KIF22: variants seen among roughly 807,000 people sequenced by gnomAD.
The protein encoded by KIF22 is kinesin family member 22.
In KIF22, 62 loss-of-function variants were observed where a neutral mutation model predicts 73.0. The observed-to-expected ratio is 0.85, with a 90% CI of 0.69 to 1.05. The LOEUF (loss-of-function observed/expected upper bound fraction) is 1.05. KIF22 is among the 50% of genes least tolerant of loss of function. KIF22 has a pLI of 0.00. For missense variants in KIF22, 854 were observed against 870.1 expected (o/e 0.98, Z 0.23); for synonymous variants, 411 against 340.1 (o/e 1.21, Z -2.29).
intron 1 of KIF22, among the ~76,000 whole-genome samples, chr16:29,793,747 C>T (rs1452421923): frequency 6.6e-6 from 1 of 151,854 alleles, no homozygotes; most frequent in African/African-American, 2.4e-5. Context: ...TTAGCCAGCC[C>T]GAAATGTCAG....
At chr16:29,803,084 C>T in intron 9 of KIF22, 147 bp downstream of exon 9, 1 of 802,246 alleles carries the variant, frequency 1.2e-6, no homozygotes, top group South Asian at 1.6e-5. Flanking sequence ...CTTGAATGTC[C>T]TTAACATGGC....
rs1420661440 is a variant in KIF22 at position 29,798,863 on chromosome 16, C to T, written c.550-112C>T. 4 of 1,529,390 alleles carry T rather than the reference C, an allele frequency of 2.6e-6. No homozygotes were observed. Among genetic ancestry groups the T allele is most frequent in the African/African-American group, 2.8e-5 (2 of 72,588 alleles). 94.7% of individuals were successfully genotyped at this position (1,529,390 alleles called of 1,614,324 possible). A position where few individuals can be genotyped will look rare whatever the true frequency, so the allele number is the denominator to read the frequency against. On this transcript the variant is annotated intron_variant, in intron 4 of 13. Coordinates refer to ENST00000160827, the MANE Select transcript of KIF22 (RefSeq NM_007317.3). The surrounding 1 kb of genome is among the most constrained non-coding windows in gnomAD (Gnocchi z 4.1). ...AAGGTGAGACCTAGAAAGACAGAGA[C>T]TGGGGTAGCAGATGGTACAACTCCG...
chr16:29,796,284 A>ACAC lies in KIF22; in HGVS notation c.71-609_71-608insCAC, dbSNP rs1555499050. ...AGACTGTCTCAAAAAAAAAAAAAAA[A>ACAC]ACACACACACACACACACACAGAAA... On this transcript the variant is annotated intron_variant, in intron 1 of 13. Coordinates refer to ENST00000160827, the MANE Select transcript of KIF22 (RefSeq NM_007317.3). Among the ~76,000 whole-genome samples, 493 of 146,662 alleles carry ACAC rather than the reference A, an allele frequency of 3.4e-3. 1 individual carries two copies. Among genetic ancestry groups the ACAC allele is most frequent in the African/African-American group, 0.012 (460 of 39,066 alleles).
chr16:29,797,068 C>G lies in KIF22; in HGVS notation c.246C>G (p.His82Gln). 6.3e-7 allele frequency: 1 copy of G among 1,594,578 alleles called. No homozygotes were observed. The highest frequency in any genetic ancestry group is 8.6e-7 in the Non-Finnish European group (1 of 1,167,872). ...CSLEIANWRN[H>Q]QETLKYQFDA... ...TAGAGATTGCTAACTGGAGGAACCA[C>G]CAGGAGACTCTCAAATACCAGTAAG... Residue 82 changes from histidine to glutamine, a missense_variant, in exon 2 of 14, where the codon CAC (histidine) becomes CAG (glutamine). Physicochemically the swap from His to Gln is conservative, Grantham distance 24 (BLOSUM62 0). This residue lies in a region of KIF22 where 186 missense variants were observed against 152.9 expected (regional missense o/e 1.22). Coordinates refer to ENST00000160827, the MANE Select transcript of KIF22 (RefSeq NM_007317.3). This position sits in a 1 kb window ranked among gnomAD's most constrained non-coding sequence, Gnocchi z 4.1.
Position 29,799,925 on chromosome 16 carries a change from T to A in KIF22, c.1157T>A (p.Val386Asp), listed in dbSNP as rs146534600. ...TCCAATCATCTAGCCTTGGGACCTG[T>A]TAAGCTGTCTCAGAAAGAATTGCTT... ...ESLQPHALGP[V>D]KLSQKELLGP... The change falls in exon 8 of 14, where the codon GTT becomes GAT. Residue 386 changes from valine to aspartate, a missense_variant. Val to Asp is a radical substitution (Grantham distance 152, BLOSUM62 -3). Coordinates refer to ENST00000160827, the MANE Select transcript of KIF22 (RefSeq NM_007317.3). 6.2e-7 allele frequency: 1 copy of A among 1,614,026 alleles called. No individual in the cohort carries two copies. The highest frequency in any genetic ancestry group is 1.3e-5 in the African/African-American group (1 of 74,930).
In KIF22 at chr16:29,799,434, G is replaced by A. The variant is rs756191260; in HGVS notation, c.930G>A (p.Ala310=). 5.4e-5 allele frequency: 87 copies of A among 1,614,106 alleles called. No homozygotes were observed. In the East Asian group the frequency reaches 1.7e-3, roughly 32 times the overall value. The change falls in exon 6 of 14, where the codon GCG becomes GCA. Residue 310 remains alanine, a synonymous_variant. Transcript: ENST00000160827. The part of the protein sequence containing the change: ...SLFVLGKVVD[A]LNQGLPRVPY... ...TTGTCCTGGGCAAAGTGGTAGATGC[G>A]CTGAATCAGGGCCTCCCTCGTGTAC... is the stretch of plus-strand genomic sequence containing the variant.
At chr16:29,796,451 A>G (rs965411171) in intron 1 of KIF22, among the ~76,000 whole-genome samples, 9 of 151,448 alleles carry the variant, frequency 5.9e-5, no homozygotes, top group East Asian at 1.9e-4. Context: ...GCTCCTGCCT[A>G]TAATTCCAGC....
Position 29,797,114 on chromosome 16 carries a change from C to T in KIF22, c.266+26C>T, listed in dbSNP as rs757330412. 1.5e-5 allele frequency: 23 copies of T among 1,510,718 alleles called. No homozygotes were observed. Among genetic ancestry groups the T allele is most frequent in the East Asian group, 2.4e-5 (1 of 42,270 alleles). The allele number at this position is 1,510,718 out of a possible 1,614,324, so 93.6% of individuals were successfully genotyped here. ...GTAAGGTTCAGGCCACTCCTCTTCC[C>T]TCATGCCATCACCTCCCTCTCCTAG... On this transcript the variant is annotated intron_variant, in intron 2 of 13. Coordinates refer to ENST00000160827, the MANE Select transcript of KIF22 (RefSeq NM_007317.3). This position sits in a 1 kb window ranked among gnomAD's most constrained non-coding sequence, Gnocchi z 4.1.
At chr16:29,800,306 A>C in intron 8 of KIF22, 2 of 275,466 alleles carry the variant, frequency 7.3e-6, no homozygotes, top group Non-Finnish European at 1.4e-5. Flanking sequence ...AAAATACAAA[A>C]AGTAGCCGGA....
At chr16:29,801,903 T>G (rs781081654) in intron 8 of KIF22, among the ~76,000 whole-genome samples, 3 of 152,104 alleles carry the variant, frequency 2.0e-5, no homozygotes, top group Non-Finnish European at 2.9e-5. Flanking sequence ...GGCATCAAAC[T>G]GACCTGGAAA....
intron 1 of KIF22, chr16:29,791,219 G>GAGGCGTGT: frequency 9.2e-7 from 1 of 1,088,938 alleles, no homozygotes; most frequent in Non-Finnish European, 1.1e-6. Context: ...AAGGGAGCCG[G>GAGGCGTGT]AGGCGTGTAT....
chr16:29,793,196 A>G (rs560181262), intron 1 of KIF22, among the ~76,000 whole-genome samples: 106 of 152,312 alleles, frequency 7.0e-4, no homozygotes, highest in Admixed American at 2.4e-3. Flanking sequence ...TAATCCCAGC[A>G]TTTTGGGAGA....
chr16:29,796,974 G>A lies in KIF22; in HGVS notation c.152G>A (p.Arg51Gln), dbSNP rs1898968804. ...PARVRVAVRLRPFVDGTAGAS... is the reference protein window; with the variant it reads ...PARVRVAVRLQPFVDGTAGAS... ...CGCGTAAGGGTGGCTGTGCGACTGC[G>A]GCCATTTGTGGATGGAACAGCGGGA... The change falls in exon 2 of 14, where the codon CGG (arginine) becomes CAG (glutamine). Residue 51 changes from arginine (R) to glutamine (Q), a missense_variant. Coordinates refer to ENST00000160827, the MANE Select transcript of KIF22 (RefSeq NM_007317.3). 1.2e-6 allele frequency: 2 copies of A among 1,614,016 alleles called. No homozygotes were observed. The highest frequency in any genetic ancestry group is 1.1e-5 in the South Asian group (1 of 91,082).
intron 7 of KIF22, 55 bp downstream of exon 7, chr16:29,799,836 T>C (rs1899073561): frequency 3.1e-6 from 5 of 1,612,744 alleles, no homozygotes; most frequent in Non-Finnish European, 4.2e-6. Context: ...TTAGGGAGTT[T>C]GTTGAAACCA....
At chr16:29,803,856 T>TA in intron 10 of KIF22, 142 bp from the exon 11 acceptor site, 3 of 712,444 alleles carry the variant, frequency 4.2e-6, no homozygotes, top group Non-Finnish European at 4.9e-6. Context: ...AATGCGGGTA[T>TA]AAAAAAGGTC....
chr16:29,804,653 T>A (rs1294974845), intron 11 of KIF22, 161 bp from the exon 12 acceptor site: 1 of 706,744 alleles, frequency 1.4e-6, no homozygotes, highest in Non-Finnish European at 2.6e-6. Context: ...ATAATAAGAA[T>A]TAACCCAGAG....
At chr16:29,799,802 G>A in intron 7 of KIF22, 21 bp downstream of exon 7, 1 of 1,613,832 alleles carries the variant, frequency 6.2e-7, no homozygotes, top group Non-Finnish European at 8.5e-7. Flanking sequence ...GGGGAGGCAG[G>A]AGTGGAAACG....
chr16:29,795,891 A>G (rs1428962356), intron 1 of KIF22, among the ~76,000 whole-genome samples: 1 of 152,150 alleles, frequency 6.6e-6, no homozygotes, highest in Non-Finnish European at 1.5e-5. Flanking sequence ...CCCCATCAAG[A>G]GAAGATCATC....
intron 8 of KIF22, among the ~76,000 whole-genome samples, chr16:29,800,779 GTAAA>G (rs1171069544): frequency 2.6e-5 from 4 of 152,104 alleles, no homozygotes; most frequent in African/African-American, 4.8e-5. Context: ...AAATAAATAA[GTAAA>G]TAAATAAATT....
Sources: gnomAD v4.1 joint callset for allele counts (sites outside exome capture counted in the v4.1 genomes callset) on GRCh38, gnomAD v4.1.1 for gene constraint, gnomAD v4.1.1 regional missense constraint, Gnocchi (gnomAD v3.1) non-coding constraint, MANE v1.5 for transcripts, NCBI Gene and HGNC (gene_info 2026-07-23, HGNC 2026-07-21) for gene names.